Variants in AKT3 observed in about 807,000 individuals in gnomAD.
The protein encoded by AKT3 is AKT serine/threonine kinase 3.
A neutral mutation model predicts 65.3 loss-of-function variants in AKT3; 15 were observed. The observed-to-expected ratio is 0.23, with a 90% CI of 0.15 to 0.35. The LOEUF is 0.35. AKT3 is among the 10% of genes least tolerant of loss of function. AKT3 has a pLI of 1.00. For missense variants in AKT3, 243 were observed against 576.5 expected (o/e 0.42, Z 5.92); for synonymous variants, 206 against 183.8 (o/e 1.12, Z -0.98).
intron 2 of AKT3, among the ~76,000 whole-genome samples, chr1:243,766,935 T>C (rs933777525): frequency 6.6e-6 from 1 of 152,074 alleles, no homozygotes; most frequent in Non-Finnish European, 1.5e-5. Context: ...AAGAAGATAA[T>C]CTCAGTTTTT....
chr1:243,744,711 C>A (rs1311819713), intron 2 of AKT3, among the ~76,000 whole-genome samples: 2 of 148,266 alleles, frequency 1.3e-5, no homozygotes. Context: ...TGCACTCCAG[C>A]CTGGGTGACA....
At chr1:243,742,369 T>C (rs1487158045) in intron 2 of AKT3, among the ~76,000 whole-genome samples, 1 of 152,246 alleles carries the variant, frequency 6.6e-6, no homozygotes, top group Non-Finnish European at 1.5e-5. Flanking sequence ...TTCACACCTG[T>C]AATCCCAGCA....
intron 8 of AKT3, among the ~76,000 whole-genome samples, chr1:243,586,904 G>C (rs1169577624): frequency 6.6e-6 from 1 of 151,588 alleles, no homozygotes; most frequent in Non-Finnish European, 1.5e-5. Context: ...AAAAGAAATG[G>C]AATAATGAAG....
chr1:243,652,270 G>A (rs986231302), intron 4 of AKT3, among the ~76,000 whole-genome samples: 3 of 151,930 alleles, frequency 2.0e-5, no homozygotes, highest in South Asian at 2.1e-4. Flanking sequence ...GGCTGATCTC[G>A]AACTCCTGAC....
intron 3 of AKT3, among the ~76,000 whole-genome samples, chr1:243,679,937 C>T (rs924824603): frequency 6.6e-5 from 10 of 152,074 alleles, no homozygotes; most frequent in Non-Finnish European, 1.3e-4. Context: ...ACAGGACTAA[C>T]GTGAAGTTCA....
chr1:243,731,260 C>T (rs949167815), intron 2 of AKT3, among the ~76,000 whole-genome samples: 8 of 152,170 alleles, frequency 5.3e-5, no homozygotes, highest in African/African-American at 1.9e-4. Context: ...TGTAGCAGCT[C>T]ATGTTTTCTA....
At chr1:243,761,594 A>G (rs1457697523) in intron 2 of AKT3, among the ~76,000 whole-genome samples, 1 of 152,182 alleles carries the variant, frequency 6.6e-6, no homozygotes, top group African/African-American at 2.4e-5. Flanking sequence ...GGTGAACCCT[A>G]AAGACATTAA....
chr1:243,505,150 G>T lies in AKT3; in HGVS notation c.*99C>A. 1 of 1,114,178 alleles carries T rather than the reference G, an allele frequency of 9.0e-7. No homozygotes were observed. The highest frequency in any genetic ancestry group is 1.3e-6 in the Non-Finnish European group (1 of 750,348). 69.0% of individuals were successfully genotyped at this position (1,114,178 alleles called of 1,614,324 possible). ...CCTTGGCTGGTCTGGGATGTCGGAA[G>T]GTGCCCCTGCTATGTGTAAGAGCTA... On this transcript the variant is annotated 3_prime_UTR_variant, in exon 14 of 14. Transcript: ENST00000673466.
intron 2 of AKT3, among the ~76,000 whole-genome samples, chr1:243,732,867 T>C (rs1278222731): frequency 1.1e-4 from 17 of 152,202 alleles, no homozygotes; most frequent in Admixed American, 1.1e-3. Flanking sequence ...GGGGAGAATG[T>C]AAATGTAAAC....
At chr1:243,543,376 A>G (rs1672447501) in intron 12 of AKT3, among the ~76,000 whole-genome samples, 2 of 152,186 alleles carry the variant, frequency 1.3e-5, no homozygotes, top group Admixed American at 1.3e-4. Flanking sequence ...AAGAAGGTCC[A>G]TATTTTGGCC....
chr1:243,598,443 A>G (rs1388399706), intron 8 of AKT3, among the ~76,000 whole-genome samples: 1 of 152,216 alleles, frequency 6.6e-6, no homozygotes, highest in Non-Finnish European at 1.5e-5. Context: ...ACAGTAATGT[A>G]AAATGCATTA....
chr1:243,660,276 T>C (rs962705101), intron 4 of AKT3, among the ~76,000 whole-genome samples: 1 of 152,146 alleles, frequency 6.6e-6, no homozygotes, highest in African/African-American at 2.4e-5. Flanking sequence ...GTAGAGGTGT[T>C]TGTAGTATTC....
At chr1:243,513,750 G>A (rs770729203) in intron 12 of AKT3, among the ~76,000 whole-genome samples, 4 of 152,130 alleles carry the variant, frequency 2.6e-5, no homozygotes, top group South Asian at 4.1e-4. Flanking sequence ...CCAACTCTAC[G>A]TTCCACTGAT....
At chr1:243,838,703 A>G (rs1322307825) in intron 2 of AKT3, among the ~76,000 whole-genome samples, 1 of 152,218 alleles carries the variant, frequency 6.6e-6, no homozygotes, top group African/African-American at 2.4e-5. Context: ...GAGACAACTC[A>G]TAGACACAAA....
chr1:243,606,992 T>C (rs948603682), intron 8 of AKT3, among the ~76,000 whole-genome samples: 1 of 152,232 alleles, frequency 6.6e-6, no homozygotes, highest in Non-Finnish European at 1.5e-5. Context: ...CCTGCTGGTG[T>C]GCAGAAGACA....
chr1:243,743,709 G>A (rs1688307503), intron 2 of AKT3, among the ~76,000 whole-genome samples: 1 of 152,030 alleles, frequency 6.6e-6, no homozygotes, highest in Admixed American at 6.5e-5. Context: ...GTTATCAGGG[G>A]AATACAAATT....
chr1:243,544,701 T>TTG (rs1672541411), intron 12 of AKT3, among the ~76,000 whole-genome samples: 1 of 83,800 alleles, frequency 1.2e-5, no homozygotes, highest in African/African-American at 2.8e-5. Context: ...GTTTTTTGTT[T>TTG]TTTGTTTTTT....
At chr1:243,651,835 G>A (rs1333654935) in intron 4 of AKT3, among the ~76,000 whole-genome samples, 2 of 152,028 alleles carry the variant, frequency 1.3e-5, no homozygotes, top group Non-Finnish European at 2.9e-5. Flanking sequence ...TGTTCATCAG[G>A]GATACTGGCC....
intron 8 of AKT3, among the ~76,000 whole-genome samples, chr1:243,589,519 A>ACC (rs1676076490): frequency 2.0e-5 from 3 of 152,158 alleles, no homozygotes; most frequent in Non-Finnish European, 2.9e-5. Flanking sequence ...GCTATTATAA[A>ACC]AAAGATGAGA....
Sources: gnomAD v4.1 joint callset for allele counts (sites outside exome capture counted in the v4.1 genomes callset) on GRCh38, gnomAD v4.1.1 for gene constraint, MANE v1.5 for transcripts, NCBI Gene and HGNC (gene_info 2026-07-23, HGNC 2026-07-21) for gene names.